Variants in NRXN2 observed in about 807,000 individuals in gnomAD.
NRXN2 encodes neurexin 2.
NRXN2 carries 29 observed loss-of-function variants against 128.8 expected under a neutral mutation model. The observed-to-expected ratio is 0.23, with a 90% CI of 0.17 to 0.31. The LOEUF (loss-of-function observed/expected upper bound fraction) is 0.31, where lower values mean the gene tolerates loss of function less well. Ranked by LOEUF, NRXN2 falls within the 10% of genes least tolerant of loss-of-function variation. The pLI is 1.00. For missense variants in NRXN2, 1,881 were observed against 2,452.6 expected (o/e 0.77, Z 4.92); for synonymous variants, 1,098 against 1,075.2 (o/e 1.02, Z -0.41).
chr11:64,659,125 G>A (rs1247006886), intron 11 of NRXN2, among the ~76,000 whole-genome samples: 1 of 152,236 alleles, frequency 6.6e-6, no homozygotes, highest in Non-Finnish European at 1.5e-5. Context: ...GATACAACAA[G>A]TGACCCTGAT....
rs2135378209 is a variant in NRXN2, at chr11:64,632,349, CTG to C, written c.3586-1778_3586-1777del. ...CCTCAGATGCAGTAAAGCAGGGAAA[CTG>C]AGGCTGGGCTTGCCTAACAAAGAGT... On this transcript the variant is annotated intron_variant, in intron 18 of 22. Coordinates refer to ENST00000265459, the MANE Select transcript of NRXN2 (RefSeq NM_015080.4). The surrounding 1 kb of genome is among the most constrained non-coding windows in gnomAD (Gnocchi z 4.2). Among the ~76,000 whole-genome samples the C allele has an allele frequency of 6.6e-6, 1 of 152,308 alleles. No individual in the cohort carries two copies. The highest frequency in any genetic ancestry group is 6.5e-5 in the Admixed American group (1 of 15,304).
At position 64,651,326 on chromosome 11, in the gene NRXN2, C is replaced by T. The variant is rs748844342; in HGVS notation, c.2847G>A (p.Thr949=). ...TGAACAGAAGAAGCCCATCAGGGGC[C>T]GTGGTCTTGAACTGGAAGAAGAGGT... The part of the protein sequence containing the change: ...SMHLFFQFKT[T]APDGLLLFNS... Residue 949 remains threonine, a synonymous_variant, in exon 14 of 23, where the codon ACG becomes ACA. Transcript: ENST00000265459. This position sits in a 1 kb window ranked among gnomAD's most constrained non-coding sequence, Gnocchi z 5.9. The T allele has an allele frequency of 3.0e-5, 48 of 1,614,028 alleles. No individual in the cohort carries two copies. In the East Asian group the frequency reaches 9.4e-4, roughly 31 times the overall value.
intron 19 of NRXN2, among the ~76,000 whole-genome samples, chr11:64,629,264 C>T (rs1366947637): frequency 6.6e-6 from 1 of 152,162 alleles, no homozygotes; most frequent in Non-Finnish European, 1.5e-5. Flanking sequence ...ACTGCAATGT[C>T]GCTCAGACTG....
intron 3 of NRXN2, among the ~76,000 whole-genome samples, chr11:64,693,127 A>T (rs1391985415): frequency 6.6e-6 from 1 of 150,838 alleles, no homozygotes; most frequent in Non-Finnish European, 1.5e-5. Flanking sequence ...GGGAAGAGAG[A>T]AAGAGAGATT....
At chr11:64,693,013 A>G in intron 3 of NRXN2, 137 bp from the exon 4 acceptor site, 1 of 776,560 alleles carries the variant, frequency 1.3e-6, no homozygotes, top group Non-Finnish European at 2.1e-6. Context: ...TGCTGCCACA[A>G]TTTAAAAACC....
At chr11:64,621,728 G>A (rs903469747) in intron 21 of NRXN2, among the ~76,000 whole-genome samples, 2 of 152,170 alleles carry the variant, frequency 1.3e-5, no homozygotes, top group African/African-American at 4.8e-5. Context: ...CAGACAGGGC[G>A]ATGGGAAGAG....
At chr11:64,688,601 G>T in intron 5 of NRXN2, 1 of 985,358 alleles carries the variant, frequency 1.0e-6, no homozygotes, top group South Asian at 4.7e-5. Context: ...CGCCGGTCTG[G>T]CGCGACTGGG....
At position 64,713,351 on chromosome 11, in the gene NRXN2, G is replaced by A. The variant is rs1438805286; in HGVS notation, c.349C>T (p.Leu117=). Reference sequence around the variant, plus strand: ...GCCGTGCGGCGCGCGTCGCGGGTCAGCAGCACCATGTGCCAGCGGTCGTCG... The same window carrying A: ...GCCGTGCGGCGCGCGTCGCGGGTCAACAGCACCATGTGCCAGCGGTCGTCG... The part of the protein sequence containing the change: ...VADDRWHMVL[L]TRDARRTALA... The change falls in exon 2 of 23, where the codon CTG becomes TTG. Residue 117 remains leucine, a synonymous_variant. Transcript: ENST00000265459. The A allele has an allele frequency of 1.3e-5, 19 of 1,419,442 alleles. No homozygotes were observed. The highest frequency in any genetic ancestry group is 2.4e-4 in the Middle Eastern group (1 of 4,212). 87.9% of individuals were successfully genotyped at this position (1,419,442 alleles called of 1,614,324 possible). A position where few individuals can be genotyped will look rare whatever the true frequency, so the allele number is the denominator to read the frequency against.
intron 22 of NRXN2, among the ~76,000 whole-genome samples, chr11:64,617,389 T>A (rs1193714239): frequency 6.6e-6 from 1 of 152,182 alleles, no homozygotes; most frequent in East Asian, 1.9e-4. Flanking sequence ...ACACAATATG[T>A]GGGTTGGGCC....
chr11:64,624,129 G>C (rs1016118340), intron 20 of NRXN2: 1 of 152,284 alleles, frequency 6.6e-6, no homozygotes, highest in African/African-American at 2.4e-5. Flanking sequence ...GGCACTGGGG[G>C]TTTTAGACCT....
chr11:64,628,014 G>T (rs957686355), intron 19 of NRXN2, among the ~76,000 whole-genome samples: 1 of 152,140 alleles, frequency 6.6e-6, no homozygotes, highest in Non-Finnish European at 1.5e-5. Context: ...TTTCCCTATA[G>T]ATTCAGGATA....
At chr11:64,692,375 T>C (rs1565425142) in intron 4 of NRXN2, among the ~76,000 whole-genome samples, 1 of 152,136 alleles carries the variant, frequency 6.6e-6, no homozygotes, top group Non-Finnish European at 1.5e-5. Flanking sequence ...GTGAGGGTGA[T>C]GAGACTGCCT....
At chr11:64,661,329 C>A in intron 9 of NRXN2, 190 bp from the exon 10 acceptor site, 6 of 1,467,936 alleles carry the variant, frequency 4.1e-6, no homozygotes, top group African/African-American at 1.4e-5. Flanking sequence ...TTGACAAAGG[C>A]CCCCAGGCTC....
chr11:64,636,421 G>A (rs899948662), intron 17 of NRXN2, among the ~76,000 whole-genome samples: 10 of 151,976 alleles, frequency 6.6e-5, no homozygotes, highest in African/African-American at 2.2e-4. Context: ...GTGGGGGGCT[G>A]GTCACCCAGT....
rs956254412 is a variant in NRXN2, at chr11:64,651,124, T to C, written c.2918+131A>G. On this transcript the variant is annotated intron_variant, in intron 14 of 22. Coordinates refer to ENST00000265459, the MANE Select transcript of NRXN2 (RefSeq NM_015080.4). This position sits in a 1 kb window ranked among gnomAD's most constrained non-coding sequence, Gnocchi z 5.9. ...GAAGAGGGAGCCTCTCGACTTACGG[T>C]CGGGGACCTGAATCTTGACTTGTGA... 2 of 1,275,208 alleles carry C rather than the reference T, an allele frequency of 1.6e-6. No individual in the cohort carries two copies. The highest frequency in any genetic ancestry group is 2.9e-5 in the African/African-American group (2 of 68,678). The allele number at this position is 1,275,208 out of a possible 1,614,324, so 79.0% of individuals were successfully genotyped here.
intron 2 of NRXN2, among the ~76,000 whole-genome samples, chr11:64,708,572 T>C (rs1464727028): frequency 5.3e-5 from 8 of 151,970 alleles, no homozygotes; most frequent in Admixed American, 5.2e-4. Flanking sequence ...GCCAGATCTC[T>C]GAGAGAGAGA....
intron 20 of NRXN2, among the ~76,000 whole-genome samples, chr11:64,624,256 A>G (rs1412258372): frequency 6.6e-6 from 1 of 152,226 alleles, no homozygotes; most frequent in Non-Finnish European, 1.5e-5. Context: ...TGTGAAGCCC[A>G]CAACCTCTTT....
chr11:64,620,414 C>A (rs2042148577), intron 21 of NRXN2, 42 bp from the exon 22 acceptor site: 3 of 1,483,710 alleles, frequency 2.0e-6, no homozygotes, highest in Non-Finnish European at 2.8e-6. Flanking sequence ...AGGTTCCAGG[C>A]AGGTCAGCAG....
rs777219477 is a variant in NRXN2 at position 64,651,992 on chromosome 11, G to A, written c.2536+43C>T. 1 of 1,605,320 alleles carries A rather than the reference G, an allele frequency of 6.2e-7. No homozygotes were observed. The highest frequency in any genetic ancestry group is 1.1e-5 in the South Asian group (1 of 91,078). On this transcript the variant is annotated intron_variant, in intron 13 of 22. Coordinates refer to ENST00000265459, the MANE Select transcript of NRXN2 (RefSeq NM_015080.4). This position sits in a 1 kb window ranked among gnomAD's most constrained non-coding sequence, Gnocchi z 5.9. ...CCAAGTAGAACAGGGCCAAGCATAG[G>A]TCACTGGAGATGTGTCCACCTCCCT...
Sources: gnomAD v4.1 joint callset for allele counts (sites outside exome capture counted in the v4.1 genomes callset) on GRCh38, gnomAD v4.1.1 for gene constraint, Gnocchi (gnomAD v3.1) non-coding constraint, MANE v1.5 for transcripts, NCBI Gene and HGNC (gene_info 2026-07-23, HGNC 2026-07-21) for gene names.